Variants in BOK observed in about 807,000 individuals in gnomAD.
The protein encoded by BOK is BCL2 family apoptosis regulator BOK.
Under a neutral mutation model 18.3 loss-of-function variants are expected in BOK, and 20 were observed. The ratio of observed to expected loss-of-function variants is 1.09; its 90% CI spans 0.77 to 1.59. The LOEUF is 1.59. BOK is among the 40% of genes most tolerant of loss of function. The pLI is 0.00. For missense variants in BOK, 348 were observed against 307.9 expected (o/e 1.13, Z -0.97); for synonymous variants, 173 against 142.4 (o/e 1.21, Z -1.53).
chr2:241,558,080 C>T (rs1341363827), upstream of BOK, among the ~76,000 whole-genome samples: 4 of 152,026 alleles, frequency 2.6e-5, no homozygotes, highest in African/African-American at 7.3e-5. Flanking sequence ...CACACACACT[C>T]TTCAGCTGAT....
At chr2:241,568,356 G>A (rs1203175039) in intron 3 of BOK, among the ~76,000 whole-genome samples, 4 of 151,970 alleles carry the variant, frequency 2.6e-5, no homozygotes, top group African/African-American at 7.3e-5. Context: ...TCCTGACCTC[G>A]TGATCCACCT....
chr2:241,560,759 C>T (rs913078332), intron 2 of BOK, among the ~76,000 whole-genome samples: 4 of 152,112 alleles, frequency 2.6e-5, no homozygotes, highest in Non-Finnish European at 4.4e-5. Context: ...TGCCTCTAGT[C>T]GGGCTCTGAG....
intron 3 of BOK, among the ~76,000 whole-genome samples, chr2:241,568,174 G>A (rs552399665): frequency 2.6e-5 from 4 of 152,274 alleles, no homozygotes; most frequent in Admixed American, 6.5e-5. Context: ...AGGCTAGAGT[G>A]CAATGGCGTG....
At chr2:241,560,739 C>T (rs933737145) in intron 2 of BOK, among the ~76,000 whole-genome samples, 6 of 152,136 alleles carry the variant, frequency 3.9e-5, no homozygotes, top group Admixed American at 1.3e-4. Context: ...TGAGATCCGC[C>T]GCCTGCTGCT....
rs982493832 is a variant in BOK at position 241,566,858 on chromosome 2, G to C, written c.350-3267G>C. Among the ~76,000 whole-genome samples the C allele has an allele frequency of 1.5e-5, 2 of 134,450 alleles. 1 individual carries two copies. The highest frequency in any genetic ancestry group is 3.2e-5 in the Non-Finnish European group (2 of 62,922). The allele number at this position is 134,450 out of a possible 152,430, so 88.2% of individuals were successfully genotyped here. A position where few individuals can be genotyped will look rare whatever the true frequency, so the allele number is the denominator to read the frequency against. ...GCTGCCAGGGGCTGTCGGTGAAATA[G>C]GGAGTGACTGCTAGTGGGCATGGGG... On this transcript the variant is annotated intron_variant, in intron 3 of 4. Transcript: ENST00000318407.
At chr2:241,564,973 TGGGGGCGGTGCCTAGGAAG>T in intron 3 of BOK, among the ~76,000 whole-genome samples, 1 of 151,096 alleles carries the variant, frequency 6.6e-6, no homozygotes, top group East Asian at 2.0e-4. Flanking sequence ...TGGCCTGAGG[TGGGGGCGGTGCCTAGGAAG>T]GCTCTGGTTG....
intron 3 of BOK, among the ~76,000 whole-genome samples, chr2:241,566,039 C>A: frequency 6.6e-6 from 1 of 152,072 alleles, no homozygotes. Flanking sequence ...AATCCCAGCA[C>A]TTTGGGAGGC....
At chr2:241,570,055 C>T (rs1380617628) in intron 3 of BOK, 70 bp from the exon 4 acceptor site, 3 of 1,534,798 alleles carry the variant, frequency 2.0e-6, no homozygotes, top group Non-Finnish European at 2.6e-6. Context: ...TCAGAGAGGC[C>T]CAGCCCCTTC....
upstream of BOK, among the ~76,000 whole-genome samples, chr2:241,553,888 G>A (rs1035712628): frequency 6.6e-6 from 1 of 152,180 alleles, no homozygotes; most frequent in African/African-American, 2.4e-5. Flanking sequence ...CTGGAGACAG[G>A]GAGGGGGGCT....
upstream of BOK, among the ~76,000 whole-genome samples, chr2:241,558,199 G>A (rs1054543258): frequency 4.6e-5 from 7 of 152,084 alleles, no homozygotes; most frequent in African/African-American, 1.4e-4. Context: ...ATGAGCTCTA[G>A]CCCCGTACCA....
In BOK at chr2:241,559,607, C is replaced by T; in HGVS notation, c.124C>T (p.Arg42Trp). ...KALGREYVHARLLRAGLSWSA... is the reference protein window; with the variant it reads ...KALGREYVHAWLLRAGLSWSA... ...GCTGGGCCGGGAGTACGTGCACGCG[C>T]GGCTGCTGCGCGCCGGCCTCTCCTG... The change falls in exon 2 of 5, where the codon CGG becomes TGG. Residue 42 changes from arginine to tryptophan, a missense_variant. Coordinates refer to ENST00000318407, the MANE Select transcript of BOK (RefSeq NM_032515.5). The T allele has an allele frequency of 1.4e-6, 2 of 1,481,338 alleles. No homozygotes were observed. Among genetic ancestry groups the T allele is most frequent in the Non-Finnish European group, 1.8e-6 (2 of 1,123,102 alleles). The allele number at this position is 1,481,338 out of a possible 1,614,324, so 91.8% of individuals were successfully genotyped here. A position where few individuals can be genotyped will look rare whatever the true frequency, so the allele number is the denominator to read the frequency against.
chr2:241,562,342 A>G lies in BOK; in HGVS notation c.221-6A>G, dbSNP rs1373088118. 5 of 1,594,496 alleles carry G rather than the reference A, an allele frequency of 3.1e-6. No homozygotes were observed. On this transcript the variant is annotated splice_region_variant and splice_polypyrimidine_tract_variant and intron_variant, in intron 2 of 4. Transcript: ENST00000318407. The surrounding 1 kb of genome is among the most constrained non-coding windows in gnomAD (Gnocchi z 4.5). ...CTGCCTCTCACCTGCTCTTGTGACCACACAGGCGATGAGCTGGAGATGATC... is the reference window on the plus strand; with the variant it reads ...CTGCCTCTCACCTGCTCTTGTGACCGCACAGGCGATGAGCTGGAGATGATC...
chr2:241,566,871 A>G (rs1426529736), intron 3 of BOK, among the ~76,000 whole-genome samples: 1 of 134,624 alleles, frequency 7.4e-6, no homozygotes, highest in African/African-American at 2.9e-5. Context: ...AGTGACTGCT[A>G]GTGGGCATGG....
chr2:241,559,678 G>T lies in BOK; in HGVS notation c.195G>T (p.Glu65Asp), dbSNP rs1267384153. 3.7e-6 allele frequency: 5 copies of T among 1,355,994 alleles called. No individual in the cohort carries two copies. The highest frequency in any genetic ancestry group is 4.7e-6 in the Non-Finnish European group (5 of 1,062,766). 84.0% of individuals were successfully genotyped at this position (1,355,994 alleles called of 1,614,324 possible). A position where few individuals can be genotyped will look rare whatever the true frequency, so the allele number is the denominator to read the frequency against. Residue 65 changes from glutamate to aspartate, a missense_variant, in exon 2 of 5, where the codon GAG becomes GAT. Transcript: ENST00000318407. Reference sequence around the variant, plus strand: ...CGCCGGTCCCGGGACGCCTGGCTGAGGTGTGCGCGGTGCTGCTGCGCCTGG... The same window carrying T: ...CGCCGGTCCCGGGACGCCTGGCTGATGTGTGCGCGGTGCTGCTGCGCCTGG... ...RAAPVPGRLA[E>D]VCAVLLRLGD...
Position 241,568,579 on chromosome 2 carries a change from G to A in BOK, c.350-1546G>A, listed in dbSNP as rs767718159. On this transcript the variant is annotated intron_variant, in intron 3 of 4. Coordinates refer to ENST00000318407, the MANE Select transcript of BOK (RefSeq NM_032515.5). ...ATTACAGGCGCCCACCACCATATCCGGCTAATTTTTGTATTTTTAGTAGAG... is the reference window on the plus strand; with the variant it reads ...ATTACAGGCGCCCACCACCATATCCAGCTAATTTTTGTATTTTTAGTAGAG... Among the ~76,000 whole-genome samples, 9 of 152,026 alleles carry A rather than the reference G, an allele frequency of 5.9e-5. No individual in the cohort carries two copies. The East Asian group carries it at 7.7e-4, about 13-fold the overall frequency.
Position 241,559,551 on chromosome 2 carries a change from C to A in BOK, c.68C>A (p.Thr23Lys). The A allele has an allele frequency of 6.5e-7, 1 of 1,528,330 alleles. No individual in the cohort carries two copies. The highest frequency in any genetic ancestry group is 2.0e-5 in the Admixed American group (1 of 50,786). The allele number at this position is 1,528,330 out of a possible 1,614,324, so 94.7% of individuals were successfully genotyped here. Residue 23 changes from threonine to lysine, a missense_variant, in exon 2 of 5, where the codon ACA (threonine) becomes AAA (lysine). Thr to Lys is a moderately conservative substitution (Grantham distance 78). Coordinates refer to ENST00000318407, the MANE Select transcript of BOK (RefSeq NM_032515.5). ...EIMDAFDRSP[T>K]DKELVAQAKA... ...ATGGACGCCTTTGACCGCTCGCCCACAGACAAGGAGCTGGTGGCCCAGGCC... is the reference window on the plus strand; with the variant it reads ...ATGGACGCCTTTGACCGCTCGCCCAAAGACAAGGAGCTGGTGGCCCAGGCC...
In BOK at chr2:241,572,353, G is replaced by A. The variant is rs990466025; in HGVS notation, c.570G>A (p.Leu190=). The change falls in exon 5 of 5, where the codon CTG becomes CTA. Residue 190 remains leucine (L), a synonymous_variant. Transcript: ENST00000318407. ...ACCCTGGCCTCCGCTCCCACTGGCT[G>A]GTGGCTGCACTCTGCAGCTTCGGCC... The part of the protein sequence containing the change: ...STDPGLRSHW[L]VAALCSFGRF... The A allele has an allele frequency of 3.7e-6, 6 of 1,609,500 alleles. No homozygotes were observed. The highest frequency in any genetic ancestry group is 1.6e-4 in the Middle Eastern group (1 of 6,084).
chr2:241,572,821 G>T lies in BOK; in HGVS notation c.*399G>T, dbSNP rs1187818794. The T allele has an allele frequency of 3.0e-5, 6 of 200,088 alleles. No homozygotes were observed. In the Admixed American group the frequency reaches 3.2e-4, roughly 11 times the overall value. 12.4% of individuals were successfully genotyped at this position (200,088 alleles called of 1,614,324 possible). ...TCTCACCTGAGCCCCAGGTGAAGGG[G>T]CCCGGGAACACCTGCTCTCACCTGA... On this transcript the variant is annotated 3_prime_UTR_variant, in exon 5 of 5. Coordinates refer to ENST00000318407, the MANE Select transcript of BOK (RefSeq NM_032515.5).
chr2:241,569,933 G>A (rs1403139144), intron 3 of BOK, among the ~76,000 whole-genome samples, 192 bp from the exon 4 acceptor site: 4 of 152,196 alleles, frequency 2.6e-5, no homozygotes, highest in Admixed American at 2.6e-4. Flanking sequence ...GTGTGCAGTG[G>A]AGGCCGAGAA....
Sources: allele counts gnomAD v4.1 joint callset (sites outside exome capture counted in the v4.1 genomes callset), GRCh38; gene constraint gnomAD v4.1.1; non-coding constraint Gnocchi (gnomAD v3.1); transcripts MANE v1.5; gene names NCBI Gene and HGNC (gene_info 2026-07-23, HGNC 2026-07-21).